The following DCC variants were observed in gnomAD, a reference collection of about 807,000 sequenced individuals.
DCC encodes DCC netrin 1 receptor.
In DCC, 58 loss-of-function variants were observed where a neutral mutation model predicts 172.5. The observed-to-expected ratio is 0.34, with a 90% confidence interval of 0.27 to 0.42. DCC has a LOEUF of 0.42. DCC is among the 10% of genes least tolerant of loss of function. The pLI is 1.00. For synonymous variants in DCC, 709 were observed against 644.5 expected (o/e 1.10, Z -1.52); for missense variants, 1,740 against 1,791.0 (o/e 0.97, Z 0.51).
chr18:52,399,618 C>T (rs1986361325), intron 1 of DCC, among the ~76,000 whole-genome samples: 1 of 151,902 alleles, frequency 6.6e-6, no homozygotes, highest in Non-Finnish European at 1.5e-5. Context: ...TCTGCTTCAT[C>T]CTCAAGGCCC....
intron 1 of DCC, among the ~76,000 whole-genome samples, chr18:52,603,617 C>T (rs1444945298): frequency 6.6e-6 from 1 of 151,620 alleles, no homozygotes; most frequent in Non-Finnish European, 1.5e-5. Flanking sequence ...CACACACACA[C>T]ACACACACAG....
chr18:53,421,456 T>C (rs1443956437), intron 21 of DCC, among the ~76,000 whole-genome samples: 1 of 152,172 alleles, frequency 6.6e-6, no homozygotes, highest in East Asian at 1.9e-4. Context: ...TCTGAAACAC[T>C]AGACCTAGAG....
At chr18:53,174,152 C>A (rs1175822406) in intron 8 of DCC, among the ~76,000 whole-genome samples, 3 of 144,466 alleles carry the variant, frequency 2.1e-5, no homozygotes, top group Admixed American at 7.1e-5. Flanking sequence ...ACACAACATA[C>A]CAGAATCTCT....
chr18:52,900,630 T>C (rs2039796285), intron 2 of DCC, among the ~76,000 whole-genome samples: 1 of 152,238 alleles, frequency 6.6e-6, no homozygotes, highest in Admixed American at 6.5e-5. Context: ...GTGTCTGACT[T>C]TTCCATATGT....
rs1144078 is a variant in DCC at position 52,560,440 on chromosome 18, G to A, written c.92-191614G>A. Among the ~76,000 whole-genome samples, 1,235 of 152,116 alleles carry A rather than the reference G, an allele frequency of 8.1e-3. 12 individuals carry two copies. Among genetic ancestry groups the A allele is most frequent in the African/African-American group, 0.027 (1,114 of 41,470 alleles). On this transcript the variant is annotated intron_variant, in intron 1 of 28. Coordinates refer to ENST00000442544, the MANE Select transcript of DCC (RefSeq NM_005215.4). ...ACTTGCCCTGGGGCCATAGTGTGCT[G>A]CTCTCTGGTTAAACTGAATACCCTC...
At chr18:52,350,098 A>G (rs563120226) in intron 1 of DCC, among the ~76,000 whole-genome samples, 3 of 152,202 alleles carry the variant, frequency 2.0e-5, no homozygotes, top group Non-Finnish European at 4.4e-5. Context: ...AAATAAGACC[A>G]AGTATTTCAT....
Position 52,690,439 on chromosome 18 carries a change from G to C in DCC, c.92-61615G>C, listed in dbSNP as rs372378036. The stretch of plus-strand genomic sequence containing the variant: ...GCTTTGCACAGGTAAAGAGGTTTGG[G>C]TATCCTGCATTAACTGTTCTACTTT... On this transcript the variant is annotated intron_variant, in intron 1 of 28. Coordinates refer to ENST00000442544, the MANE Select transcript of DCC (RefSeq NM_005215.4). Among the ~76,000 whole-genome samples, 8 of 152,218 alleles carry C rather than the reference G, an allele frequency of 5.3e-5. No individual in the cohort carries two copies. In the East Asian group the frequency reaches 7.7e-4, roughly 15 times the overall value.
intron 27 of DCC, among the ~76,000 whole-genome samples, chr18:53,502,395 CTGACACATGGTAAATAGCATGCTT>C (rs1414179033): frequency 1.3e-5 from 2 of 152,094 alleles, no homozygotes; most frequent in Non-Finnish European, 2.9e-5. Flanking sequence ...TGCATTGCTC[CTGACACATGGTAAATAGCATGCTT>C]TTTAAAAGGG....
intron 3 of DCC, among the ~76,000 whole-genome samples, chr18:52,912,558 A>C (rs557927356): frequency 2.0e-5 from 3 of 151,946 alleles, no homozygotes; most frequent in Non-Finnish European, 4.4e-5. Context: ...CTAGTAACTT[A>C]TTGCTACATG....
chr18:53,385,563 CTT>C (rs1232377104), intron 15 of DCC, among the ~76,000 whole-genome samples: 2 of 152,150 alleles, frequency 1.3e-5, no homozygotes, highest in Non-Finnish European at 2.9e-5. Flanking sequence ...AGAGAGGAGA[CTT>C]TGCAGGTCAG....
chr18:53,151,115 T>C (rs1012054552), intron 7 of DCC, among the ~76,000 whole-genome samples: 1 of 152,236 alleles, frequency 6.6e-6, no homozygotes, highest in African/African-American at 2.4e-5. Context: ...CAATTAACAT[T>C]GAATGGATTA....
intron 2 of DCC, among the ~76,000 whole-genome samples, chr18:52,789,047 T>G (rs2037712266): frequency 1.3e-5 from 2 of 152,116 alleles, no homozygotes; most frequent in Non-Finnish European, 1.5e-5. Context: ...TGCAAAGAGT[T>G]AACTATCCTT....
At chr18:53,261,433 G>C (rs534802761) in intron 12 of DCC, among the ~76,000 whole-genome samples, 2 of 152,262 alleles carry the variant, frequency 1.3e-5, no homozygotes, top group Admixed American at 6.5e-5. Flanking sequence ...TATTTGGCCA[G>C]GGCTCAGTTT....
chr18:52,792,209 C>T (rs578129284), intron 2 of DCC, among the ~76,000 whole-genome samples: 6 of 152,086 alleles, frequency 3.9e-5, no homozygotes, highest in African/African-American at 1.4e-4. Context: ...AGGGTGGGGG[C>T]CTCTGTTCCT....
chr18:53,157,979 G>A (rs1410650143), intron 8 of DCC, among the ~76,000 whole-genome samples: 1 of 152,040 alleles, frequency 6.6e-6, no homozygotes, highest in African/African-American at 2.4e-5. Flanking sequence ...GTGTATAATT[G>A]GATTGTTTGT....
intron 1 of DCC, among the ~76,000 whole-genome samples, chr18:52,692,798 G>C (rs908905847): frequency 6.6e-6 from 1 of 152,060 alleles, no homozygotes; most frequent in African/African-American, 2.4e-5. Flanking sequence ...GGTACCTATA[G>C]TTATACCATT....
In DCC at chr18:52,936,336, G is replaced by A. The variant is rs900425649; in HGVS notation, c.985+10966G>A. Among the ~76,000 whole-genome samples the A allele has an allele frequency of 1.2e-4, 15 of 122,336 alleles. 5 individuals are homozygous for A. The highest frequency in any genetic ancestry group is 4.3e-3 in the Middle Eastern group (1 of 230). 80.3% of individuals were successfully genotyped at this position (122,336 alleles called of 152,430 possible). On this transcript the variant is annotated intron_variant, in intron 5 of 28. Coordinates refer to ENST00000442544, the MANE Select transcript of DCC (RefSeq NM_005215.4). ...CTGTTTGTTGGTAGCAAAATGATTC[G>A]TTATTTCAGTTGGGAGTTAGAACTG... is the stretch of plus-strand genomic sequence containing the variant.
intron 12 of DCC, among the ~76,000 whole-genome samples, chr18:53,272,462 C>T (rs563159570): frequency 6.6e-6 from 1 of 152,182 alleles, no homozygotes; most frequent in South Asian, 2.1e-4. Context: ...CACTCTTTGC[C>T]AGAAGAGTTT....
rs1339600554 is a variant in DCC at position 52,921,835 on chromosome 18, T to TG, written c.698-1872_698-1871insG. ...TTTTAGCTAGAAGATTAAGTAGATC[T>TG]TGATGTTTTTCACAGGGGATATTGT... On this transcript the variant is annotated intron_variant, in intron 3 of 28. Transcript: ENST00000442544. Among the ~76,000 whole-genome samples the TG allele has an allele frequency of 2.0e-5, 3 of 152,064 alleles. No individual in the cohort carries two copies. The East Asian group carries it at 5.8e-4, about 29-fold the overall frequency.
Sources: gnomAD v4.1 joint callset for allele counts (sites outside exome capture counted in the v4.1 genomes callset) on GRCh38, gnomAD v4.1.1 for gene constraint, MANE v1.5 for transcripts, NCBI Gene and HGNC (gene_info 2026-07-23, HGNC 2026-07-21) for gene names.